ARHGEF38: variants seen among roughly 807,000 people sequenced by gnomAD.
The protein encoded by ARHGEF38 is Rho guanine nucleotide exchange factor (GEF) 38.
A neutral mutation model predicts 79.9 loss-of-function variants in ARHGEF38; 79 were observed. The ratio of observed to expected loss-of-function variants is 0.99; its 90% CI spans 0.82 to 1.19. The LOEUF (loss-of-function observed/expected upper bound fraction) is 1.19, where lower values mean the gene tolerates loss of function less well. Ranked by LOEUF, ARHGEF38 falls within the 50% of genes most tolerant of loss-of-function variation. The pLI is 0.00. For synonymous variants in ARHGEF38, 366 were observed against 328.3 expected (o/e 1.11, Z -1.24); for missense variants, 962 against 907.2 (o/e 1.06, Z -0.78).
chr4:105,642,070 C>T (rs1416212484), intron 5 of ARHGEF38, among the ~76,000 whole-genome samples: 2 of 152,126 alleles, frequency 1.3e-5, no homozygotes, highest in African/African-American at 4.8e-5. Flanking sequence ...AATTGACTTC[C>T]TGGCTGAGAT....
At chr4:105,610,444 AAAT>A (rs1728244244) in intron 2 of ARHGEF38, among the ~76,000 whole-genome samples, 1 of 152,106 alleles carries the variant, frequency 6.6e-6, no homozygotes, top group Non-Finnish European at 1.5e-5. Flanking sequence ...TTTTTTAAAA[AAAT>A]GAATTTTAAT....
At position 105,631,043 on chromosome 4, in the gene ARHGEF38, A is replaced by T; in HGVS notation, c.654A>T (p.Leu218Phe). The T allele has an allele frequency of 6.2e-7, 1 of 1,606,650 alleles. No individual in the cohort carries two copies. Among genetic ancestry groups the T allele is most frequent in the Non-Finnish European group, 8.5e-7 (1 of 1,177,704 alleles). The change falls in exon 4 of 14, where the codon TTA (leucine) becomes TTT (phenylalanine). Residue 218 changes from leucine to phenylalanine, a missense_variant and splice_region_variant. Leu to Phe is a conservative substitution (Grantham distance 22). Coordinates refer to ENST00000420470, the MANE Select transcript of ARHGEF38 (RefSeq NM_001242729.2). ...ATTTGAGCCACTGTATCCAGTCCTT[A>T]AAGTAAGGCCTTTTCAAATGATGAT... ...KEHLSHCIQSLKKIYMQEGKP... is the reference protein window; with the variant it reads ...KEHLSHCIQSFKKIYMQEGKP...
intron 5 of ARHGEF38, among the ~76,000 whole-genome samples, chr4:105,637,011 A>T (rs748647072): frequency 2.0e-4 from 31 of 152,104 alleles, no homozygotes; most frequent in Non-Finnish European, 4.0e-4. Context: ...CTAGAAGAAA[A>T]TGTATCCAGG....
At chr4:105,563,909 G>A (rs182698209) in intron 1 of ARHGEF38, among the ~76,000 whole-genome samples, 3 of 152,104 alleles carry the variant, frequency 2.0e-5, no homozygotes, top group Non-Finnish European at 4.4e-5. Context: ...ATTGAATAAG[G>A]TCCATACTTC....
At chr4:105,559,287 C>G (rs1418599646) in intron 1 of ARHGEF38, among the ~76,000 whole-genome samples, 1 of 152,124 alleles carries the variant, frequency 6.6e-6, no homozygotes, top group Non-Finnish European at 1.5e-5. Context: ...TTCAACAGGC[C>G]TCAGTACTGG....
At chr4:105,557,578 T>G (rs1725309806) in intron 1 of ARHGEF38, among the ~76,000 whole-genome samples, 1 of 138,320 alleles carries the variant, frequency 7.2e-6, no homozygotes, top group South Asian at 2.4e-4. Flanking sequence ...GAAGCTTTGG[T>G]GAATGGGATT....
In ARHGEF38 at chr4:105,561,404, A is replaced by AGAATGGAATAGAATG. The variant is rs1560684091; in HGVS notation, c.196+8447_196+8448insGGAATAGAATGGAAT. ...AGTCTCAAAAATAGAGTAGAATAATAGAATAGAATAGAATAGAATGGAATA... is the reference window on the plus strand; with the variant it reads ...AGTCTCAAAAATAGAGTAGAATAATAGAATGGAATAGAATGGAATAGAATAGAATAGAATGGAATA... On this transcript the variant is annotated intron_variant, in intron 1 of 13. Coordinates refer to ENST00000420470, the MANE Select transcript of ARHGEF38 (RefSeq NM_001242729.2). Among the ~76,000 whole-genome samples the AGAATGGAATAGAATG allele has an allele frequency of 3.4e-4, 13 of 37,820 alleles. 2 individuals are homozygous for AGAATGGAATAGAATG. Among genetic ancestry groups the AGAATGGAATAGAATG allele is most frequent in the African/African-American group, 1.3e-3 (12 of 9,544 alleles). The allele number at this position is 37,820 out of a possible 152,430, so 24.8% of individuals were successfully genotyped here.
chr4:105,603,353 C>T (rs1459553589), intron 2 of ARHGEF38, among the ~76,000 whole-genome samples: 2 of 152,138 alleles, frequency 1.3e-5, no homozygotes, highest in Non-Finnish European at 2.9e-5. Flanking sequence ...TTGACACCTG[C>T]TCACCAGCCA....
intron 7 of ARHGEF38, among the ~76,000 whole-genome samples, chr4:105,653,324 CT>C (rs778409804): frequency 0.028 from 3,801 of 136,450 alleles, 44 homozygotes; most frequent in African/African-American, 0.056. Context: ...TTTCACATTT[CT>C]TTTTTTTTTT....
chr4:105,672,716 A>G (rs1730995945), intron 13 of ARHGEF38, among the ~76,000 whole-genome samples: 1 of 152,196 alleles, frequency 6.6e-6, no homozygotes, highest in African/African-American at 2.4e-5. Flanking sequence ...GATCTCATGT[A>G]GCTGCAATCT....
At chr4:105,645,667 A>G (rs1293991775) in intron 6 of ARHGEF38, among the ~76,000 whole-genome samples, 17 of 152,210 alleles carry the variant, frequency 1.1e-4, no homozygotes, top group Admixed American at 1.1e-3. Flanking sequence ...GGGCTGAAGA[A>G]ACCCATTGCA....
chr4:105,629,828 A>G (rs1186689998), intron 3 of ARHGEF38, among the ~76,000 whole-genome samples: 2 of 152,304 alleles, frequency 1.3e-5, no homozygotes, highest in African/African-American at 2.4e-5. Flanking sequence ...AAGTTGCTTT[A>G]CGAAGATACA....
intron 5 of ARHGEF38, among the ~76,000 whole-genome samples, chr4:105,637,976 C>T (rs1052617636): frequency 6.6e-6 from 1 of 152,134 alleles, no homozygotes; most frequent in African/African-American, 2.4e-5. Flanking sequence ...GCTGGATGCA[C>T]ATCAAAGCCA....
chr4:105,633,800 G>A (rs1560735657), intron 4 of ARHGEF38, among the ~76,000 whole-genome samples: 1 of 152,114 alleles, frequency 6.6e-6, no homozygotes, highest in Non-Finnish European at 1.5e-5. Flanking sequence ...CCCTAGTTGA[G>A]GAGATAAACA....
intron 5 of ARHGEF38, among the ~76,000 whole-genome samples, chr4:105,644,712 C>T (rs984542335): frequency 6.6e-6 from 1 of 152,196 alleles, no homozygotes; most frequent in Non-Finnish European, 1.5e-5. Context: ...GTAAATGCAA[C>T]TTCTCAATTT....
chr4:105,624,497 A>G (rs1436444377), intron 3 of ARHGEF38, among the ~76,000 whole-genome samples: 1 of 152,180 alleles, frequency 6.6e-6, no homozygotes, highest in Non-Finnish European at 1.5e-5. Context: ...TTTGGTTTGA[A>G]TATTATAACC....
chr4:105,593,493 A>T (rs922294790), intron 2 of ARHGEF38, among the ~76,000 whole-genome samples: 2 of 152,158 alleles, frequency 1.3e-5, no homozygotes, highest in African/African-American at 4.8e-5. Flanking sequence ...AGCCATGATC[A>T]CGCCACTGTA....
intron 3 of ARHGEF38, among the ~76,000 whole-genome samples, chr4:105,625,715 C>T (rs929755200): frequency 2.0e-5 from 3 of 152,154 alleles, no homozygotes; most frequent in African/African-American, 7.2e-5. Flanking sequence ...CATGGCCATA[C>T]CAATTGGATG....
At chr4:105,578,372 T>G (rs1220846814) in intron 1 of ARHGEF38, among the ~76,000 whole-genome samples, 2 of 152,224 alleles carry the variant, frequency 1.3e-5, no homozygotes, top group African/African-American at 4.8e-5. Context: ...ATGTTCCATG[T>G]GCTGATGAGA....
Sources: gnomAD v4.1 joint callset for allele counts (sites outside exome capture counted in the v4.1 genomes callset) on GRCh38, gnomAD v4.1.1 for gene constraint, MANE v1.5 for transcripts, NCBI Gene and HGNC (gene_info 2026-07-23, HGNC 2026-07-21) for gene names.